TRMT1L: variants seen among roughly 807,000 people sequenced by gnomAD.
TRMT1L encodes the protein tRNA methyltransferase 1L.
A neutral mutation model predicts 81.6 loss-of-function variants in TRMT1L; 28 were observed. That is an observed-to-expected ratio of 0.34 (90% CI 0.25 to 0.47). The LOEUF is 0.47. Ranked by LOEUF, TRMT1L falls within the 20% of genes least tolerant of loss-of-function variation. The pLI, the probability that TRMT1L is intolerant of heterozygous loss-of-function variation, is 1.00. For synonymous variants in TRMT1L, 301 were observed against 303.2 expected (o/e 0.99, Z 0.07); for missense variants, 739 against 877.1 (o/e 0.84, Z 1.99).
chr1:185,136,068 A>T (rs1369053431), intron 10 of TRMT1L, among the ~76,000 whole-genome samples: 1 of 152,208 alleles, frequency 6.6e-6, no homozygotes, highest in African/African-American at 2.4e-5. Flanking sequence ...CCTTAATGTG[A>T]TAAATGATAT....
intron 10 of TRMT1L, among the ~76,000 whole-genome samples, chr1:185,129,370 G>A (rs1317659473): frequency 2.0e-5 from 3 of 152,120 alleles, no homozygotes; most frequent in Non-Finnish European, 4.4e-5. Context: ...CAAAATGTAG[G>A]CTAGAAGAAT....
At chr1:185,126,763 C>G (rs373836471) in intron 11 of TRMT1L, among the ~76,000 whole-genome samples, 39 of 152,134 alleles carry the variant, frequency 2.6e-4, no homozygotes, top group African/African-American at 8.7e-4. Context: ...CCCAGCACTT[C>G]GGGAGGCCGA....
rs1311570147 is a variant in TRMT1L at position 185,137,614 on chromosome 1, A to G, written c.1505T>C (p.Met502Thr). The change falls in exon 10 of 15, where the codon ATG becomes ACG. Residue 502 changes from methionine to threonine, a missense_variant. Physicochemically the swap from Met to Thr is moderately conservative, Grantham distance 81. Around this residue, in one of 4 missense-constraint regions of TRMT1L, gnomAD observed 331 missense variants for 462.2 expected, o/e 0.72. Transcript: ENST00000367506. ...EERIFQKDGN[M>T]VEENPYRQLP... ...ATATAACTTGAATTTACCTTCTACC[A>G]TATTACCATCCTTCTGAAAAATTCT... 5.0e-6 allele frequency: 8 copies of G among 1,613,608 alleles called. No homozygotes were observed. Among genetic ancestry groups the G allele is most frequent in the Non-Finnish European group, 6.8e-6 (8 of 1,179,894 alleles).
rs1005670570 is a variant in TRMT1L at position 185,119,873 on chromosome 1, T to C, written c.*146A>G. 10 of 1,030,852 alleles carry C rather than the reference T, an allele frequency of 9.7e-6. No individual in the cohort carries two copies. Among genetic ancestry groups the C allele is most frequent in the African/African-American group, 3.2e-5 (2 of 62,660 alleles). The allele number at this position is 1,030,852 out of a possible 1,614,324, so 63.9% of individuals were successfully genotyped here. Reference sequence around the variant, plus strand: ...AGCAAAGCTCCCAAACCAGCTAAGTTAGAAACTGCTCAGTTTCTGAATGAA... The same window carrying C: ...AGCAAAGCTCCCAAACCAGCTAAGTCAGAAACTGCTCAGTTTCTGAATGAA... On this transcript the variant is annotated 3_prime_UTR_variant, in exon 15 of 15. Coordinates refer to ENST00000367506, the MANE Select transcript of TRMT1L (RefSeq NM_030934.5).
chr1:185,144,060 G>GA, intron 5 of TRMT1L, 31 bp from the exon 6 acceptor site: 1 of 1,541,174 alleles, frequency 6.5e-7, no homozygotes, highest in East Asian at 2.3e-5. Flanking sequence ...GATTTCCAGG[G>GA]AAACACAAAA....
intron 1 of TRMT1L, among the ~76,000 whole-genome samples, chr1:185,152,650 C>T (rs1487783544): frequency 6.6e-6 from 1 of 151,760 alleles, no homozygotes; most frequent in Non-Finnish European, 1.5e-5. Flanking sequence ...TGGGAAGGGA[C>T]AGAATAGAAG....
At chr1:185,127,415 A>T (rs1033345635) in intron 11 of TRMT1L, among the ~76,000 whole-genome samples, 1 of 152,182 alleles carries the variant, frequency 6.6e-6, no homozygotes, top group African/African-American at 2.4e-5. Flanking sequence ...AAGTAATGAG[A>T]AGAAATTTGC....
intron 1 of TRMT1L, 23 bp from the exon 2 acceptor site, chr1:185,151,958 T>G: frequency 6.8e-7 from 1 of 1,462,894 alleles, no homozygotes; most frequent in Non-Finnish European, 9.4e-7. Flanking sequence ...ATTGAGAAGA[T>G]TATGCTTTAA....
rs769568274 is a variant in TRMT1L, at chr1:185,149,557, G to GC, written c.460+821dup. Among the ~76,000 whole-genome samples the GC allele has an allele frequency of 2.4e-3, 357 of 151,874 alleles. 2 individuals are homozygous for GC. Among genetic ancestry groups the GC allele is most frequent in the Non-Finnish European group, 1.8e-3 (120 of 67,994 alleles). On this transcript the variant is annotated intron_variant, in intron 3 of 14. Coordinates refer to ENST00000367506, the MANE Select transcript of TRMT1L (RefSeq NM_030934.5). ...GGCCTCAAGTGATCTTCCTGCCTCAGCTTCCCAAAGTGCTGAGATTACAGG... is the reference window on the plus strand; with the variant it reads ...GGCCTCAAGTGATCTTCCTGCCTCAGCCTTCCCAAAGTGCTGAGATTACAGG...
chr1:185,119,627 C>G lies in TRMT1L; in HGVS notation c.*392G>C, dbSNP rs1374552539. ...TGAGCCTTCAGCTTCATTTTGTACACTACAAACAGGAAAACATAAACATCA... is the reference window on the plus strand; with the variant it reads ...TGAGCCTTCAGCTTCATTTTGTACAGTACAAACAGGAAAACATAAACATCA... On this transcript the variant is annotated 3_prime_UTR_variant, in exon 15 of 15. Coordinates refer to ENST00000367506, the MANE Select transcript of TRMT1L (RefSeq NM_030934.5). The G allele has an allele frequency of 6.2e-6, 1 of 161,372 alleles. No individual in the cohort carries two copies. The highest frequency in any genetic ancestry group is 1.7e-4 in the East Asian group (1 of 5,746). The allele number at this position is 161,372 out of a possible 1,614,324, so 10.0% of individuals were successfully genotyped here. A position where few individuals can be genotyped will look rare whatever the true frequency, so the allele number is the denominator to read the frequency against.
In TRMT1L at chr1:185,139,966, T is replaced by C. The variant is rs1652993894; in HGVS notation, c.1109+7A>G. ...AGAAAGTGACACGGCAAGTCTTTTC[T>C]ACTTACATGAAATCAAAAGATCTCA... On this transcript the variant is annotated splice_region_variant and intron_variant, in intron 8 of 14. Transcript: ENST00000367506. 2 of 1,602,458 alleles carry C rather than the reference T, an allele frequency of 1.2e-6. No homozygotes were observed. Among genetic ancestry groups the C allele is most frequent in the Non-Finnish European group, 1.7e-6 (2 of 1,173,374 alleles).
At chr1:185,150,605 T>A in intron 2 of TRMT1L, 113 bp from the exon 3 acceptor site, 1 of 719,522 alleles carries the variant, frequency 1.4e-6, no homozygotes, top group Non-Finnish European at 2.4e-6. Context: ...AAGTCTTTCT[T>A]AACTTTAGGG....
chr1:185,151,864 C>T lies in TRMT1L; in HGVS notation c.307G>A (p.Asp103Asn). 1 of 1,599,936 alleles carries T rather than the reference C, an allele frequency of 6.3e-7. No homozygotes were observed. The highest frequency in any genetic ancestry group is 8.5e-7 in the Non-Finnish European group (1 of 1,174,230). ...TCTGAGTTCAATGAGCTGGCAGAGT[C>T]AAAATTTCCATCAGTTACAAAAGCT... The part of the protein sequence containing the change: ...NLAFVTDGNF[D>N]SASSLNSDNL... The change falls in exon 2 of 15, where the codon GAC becomes AAC. Residue 103 changes from aspartate (D) to asparagine (N), a missense_variant. Around this residue, in one of 4 missense-constraint regions of TRMT1L, gnomAD observed 209 missense variants for 165.4 expected, o/e 1.26. Coordinates refer to ENST00000367506, the MANE Select transcript of TRMT1L (RefSeq NM_030934.5).
At chr1:185,127,759 C>CA (rs986438990) in intron 11 of TRMT1L, among the ~76,000 whole-genome samples, 1,599 of 35,572 alleles carry the variant, frequency 0.045, 53 homozygotes, top group African/African-American at 0.078. Context: ...AACTCTGTCT[C>CA]AAAAAAAAAA....
chr1:185,123,737 ATAT>A, intron 13 of TRMT1L, 117 bp downstream of exon 13: 1 of 631,196 alleles, frequency 1.6e-6, no homozygotes, highest in South Asian at 2.1e-5. Context: ...TTTTGTTGTC[ATAT>A]AATATGAAAT....
intron 1 of TRMT1L, among the ~76,000 whole-genome samples, chr1:185,154,178 A>G (rs1258989674): frequency 6.6e-6 from 1 of 152,188 alleles, no homozygotes; most frequent in Admixed American, 6.5e-5. Context: ...CAAATTTATT[A>G]AAAGGTAATT....
intron 10 of TRMT1L, among the ~76,000 whole-genome samples, chr1:185,129,682 T>C (rs1364130937): frequency 1.3e-5 from 2 of 152,244 alleles, no homozygotes; most frequent in Non-Finnish European, 2.9e-5. Context: ...TCTTGCTAGC[T>C]GATACTATCA....
In TRMT1L at chr1:185,156,885, A is replaced by G; in HGVS notation, c.-173T>C. On this transcript the variant is annotated 5_prime_UTR_variant, in exon 1 of 15. Coordinates refer to ENST00000367506, the MANE Select transcript of TRMT1L (RefSeq NM_030934.5). ...GAAGAACCAGTGACCAAATCCTGTT[A>G]GTAGAAAACAGAAAGCCAGAGGCAG... The G allele has an allele frequency of 1.1e-6, 1 of 886,638 alleles. No individual in the cohort carries two copies. The highest frequency in any genetic ancestry group is 1.6e-6 in the Non-Finnish European group (1 of 614,576). 54.9% of individuals were successfully genotyped at this position (886,638 alleles called of 1,614,324 possible).
At chr1:185,121,067 T>G (rs1443841213) in intron 13 of TRMT1L, among the ~76,000 whole-genome samples, 1 of 152,200 alleles carries the variant, frequency 6.6e-6, no homozygotes, top group Non-Finnish European at 1.5e-5. Flanking sequence ...GTCAATGTTA[T>G]GATCTCATTG....
Sources: gnomAD v4.1 joint callset for allele counts (sites outside exome capture counted in the v4.1 genomes callset) on GRCh38, gnomAD v4.1.1 for gene constraint, gnomAD v4.1.1 regional missense constraint, MANE v1.5 for transcripts, NCBI Gene and HGNC (gene_info 2026-07-23, HGNC 2026-07-21) for gene names.